Variants in SYNPR observed in about 807,000 individuals in gnomAD.
SYNPR encodes synaptoporin.
In SYNPR, 23 loss-of-function variants were observed where a neutral mutation model predicts 32.9. The observed-to-expected ratio is 0.70, with a 90% CI of 0.50 to 0.99. The LOEUF is 0.99. Among genes scored for constraint, SYNPR ranks in the 50% least tolerant of loss-of-function variants. The pLI is 0.00. For synonymous variants in SYNPR, 146 were observed against 135.9 expected (o/e 1.07, Z -0.52); for missense variants, 318 against 349.3 (o/e 0.91, Z 0.71).
intron 2 of SYNPR, among the ~76,000 whole-genome samples, chr3:63,266,484 C>G (rs2086485962): frequency 6.6e-6 from 1 of 151,842 alleles, no homozygotes; most frequent in South Asian, 2.1e-4. Context: ...GGGCAAATCA[C>G]CTGAGGTCAG....
chr3:63,583,237 A>C (rs1300530561), intron 4 of SYNPR, among the ~76,000 whole-genome samples: 1 of 152,060 alleles, frequency 6.6e-6, no homozygotes, highest in African/African-American at 2.4e-5. Context: ...TTGGTCAATC[A>C]GTTAAGGCAG....
At chr3:63,298,812 TG>T (rs906144843) in intron 2 of SYNPR, among the ~76,000 whole-genome samples, 1 of 152,112 alleles carries the variant, frequency 6.6e-6, no homozygotes, top group African/African-American at 2.4e-5. Flanking sequence ...TCTAAAATGT[TG>T]GCAACTGGCT....
At chr3:63,321,817 C>A (rs11712812) in intron 2 of SYNPR, among the ~76,000 whole-genome samples, 19,403 of 151,992 alleles carry the variant, frequency 0.13, 1,347 homozygotes, top group Non-Finnish European at 0.16. Context: ...TCCCCTTGAA[C>A]AAAATCAGTT....
upstream of SYNPR, among the ~76,000 whole-genome samples, chr3:63,224,319 G>T (rs1488106038): frequency 1.3e-5 from 2 of 152,126 alleles, no homozygotes; most frequent in African/African-American, 4.8e-5. Flanking sequence ...AATGCCTGAT[G>T]ATCTGAGGTG....
intron 2 of SYNPR, among the ~76,000 whole-genome samples, chr3:63,308,879 A>C (rs1023602399): frequency 9.9e-5 from 15 of 151,756 alleles, no homozygotes; most frequent in Admixed American, 5.3e-4. Context: ...TTGAATTATA[A>C]ATTTTCATTA....
chr3:63,359,440 A>C (rs1358474465), intron 2 of SYNPR, among the ~76,000 whole-genome samples: 10 of 152,244 alleles, frequency 6.6e-5, no homozygotes, highest in Non-Finnish European at 1.5e-4. Flanking sequence ...GCTCAGTGTA[A>C]AATCACACTG....
At chr3:63,238,730 G>T (rs1474119168) in intron 1 of SYNPR, among the ~76,000 whole-genome samples, 1 of 152,052 alleles carries the variant, frequency 6.6e-6, no homozygotes, top group East Asian at 1.9e-4. Context: ...ACATTCTTGT[G>T]GTTATTTGTA....
intron 3 of SYNPR, among the ~76,000 whole-genome samples, chr3:63,510,957 T>C (rs1575683831): frequency 1.1e-5 from 1 of 93,580 alleles, no homozygotes; most frequent in East Asian, 2.8e-4. Context: ...TGTGTGTGTG[T>C]TTCATTTGTT....
intron 3 of SYNPR, among the ~76,000 whole-genome samples, chr3:63,488,435 T>C (rs1285292389): frequency 6.6e-6 from 1 of 152,124 alleles, no homozygotes; most frequent in Non-Finnish European, 1.5e-5. Flanking sequence ...GGGATAATGG[T>C]GAATCTCTAG....
At chr3:63,259,308 G>A (rs951738430) in intron 2 of SYNPR, among the ~76,000 whole-genome samples, 2 of 152,016 alleles carry the variant, frequency 1.3e-5, no homozygotes, top group African/African-American at 2.4e-5. Flanking sequence ...GATGAACATC[G>A]ATGCAAAAAT....
intron 2 of SYNPR, among the ~76,000 whole-genome samples, chr3:63,349,806 G>A (rs899540285): frequency 2.2e-4 from 33 of 152,212 alleles, no homozygotes; most frequent in African/African-American, 7.0e-4. Context: ...AGAAGGTACA[G>A]CTGTACCTAG....
intron 1 of SYNPR, among the ~76,000 whole-genome samples, chr3:63,241,978 T>C (rs186004407): frequency 1.3e-5 from 2 of 152,078 alleles, no homozygotes; most frequent in African/African-American, 4.8e-5. Flanking sequence ...CCCTTTCACA[T>C]GTTTCAGAAA....
chr3:63,458,196 C>T (rs1700519916), intron 2 of SYNPR, among the ~76,000 whole-genome samples: 2 of 152,216 alleles, frequency 1.3e-5, no homozygotes, highest in Admixed American at 6.6e-5. Flanking sequence ...TTTCATGGCA[C>T]TCTTCTCTGC....
intron 2 of SYNPR, among the ~76,000 whole-genome samples, chr3:63,343,763 A>G (rs2087400975): frequency 6.6e-6 from 1 of 152,162 alleles, no homozygotes. Flanking sequence ...GGCTTTGACC[A>G]TTTGTTTTGT....
chr3:63,452,288 C>A (rs562788148), intron 2 of SYNPR, among the ~76,000 whole-genome samples: 2 of 152,220 alleles, frequency 1.3e-5, no homozygotes, highest in Admixed American at 1.3e-4. Context: ...GGGGGACAGG[C>A]AATTTAAAAA....
chr3:63,521,407 T>C, intron 3 of SYNPR, among the ~76,000 whole-genome samples: 1 of 152,232 alleles, frequency 6.6e-6, no homozygotes, highest in Non-Finnish European at 1.5e-5. Context: ...ATAATAGAGC[T>C]TGTTAACATT....
intron 2 of SYNPR, among the ~76,000 whole-genome samples, chr3:63,379,393 T>G (rs1323403445): frequency 6.6e-6 from 1 of 152,144 alleles, no homozygotes; most frequent in African/African-American, 2.4e-5. Context: ...TCTACTTGTT[T>G]CATCAATTAT....
intron 2 of SYNPR, among the ~76,000 whole-genome samples, chr3:63,301,834 T>C (rs1249901719): frequency 6.6e-6 from 1 of 152,068 alleles, no homozygotes; most frequent in Admixed American, 6.6e-5. Flanking sequence ...TCTCATCTTG[T>C]CTTCTCCAGC....
At chr3:63,555,844 T>C (rs1025946091) in intron 3 of SYNPR, among the ~76,000 whole-genome samples, 3 of 152,134 alleles carry the variant, frequency 2.0e-5, no homozygotes, top group Non-Finnish European at 4.4e-5. Flanking sequence ...AAAAAAGTAA[T>C]CAAATTCATT....
Sources: allele counts gnomAD v4.1 joint callset (sites outside exome capture counted in the v4.1 genomes callset), GRCh38; gene constraint gnomAD v4.1.1; transcripts MANE v1.5; gene names NCBI Gene and HGNC (gene_info 2026-07-23, HGNC 2026-07-21).